The following IL17RB variants were observed in gnomAD, a reference collection of about 807,000 sequenced individuals.
IL17RB encodes interleukin 17 receptor B.
A neutral mutation model predicts 43.9 loss-of-function variants in IL17RB; 36 were observed. The observed-to-expected ratio is 0.82, with a 90% CI of 0.63 to 1.08. IL17RB has a LOEUF of 1.08. IL17RB is among the 50% of genes least tolerant of loss of function. The pLI, the probability that IL17RB is intolerant of heterozygous loss-of-function variation, is 0.00. For missense variants in IL17RB, 613 were observed against 613.6 expected (o/e 1.00, Z 0.01); for synonymous variants, 225 against 225.4 (o/e 1.00, Z 0.02).
At chr3:53,859,266 C>T (rs1272919550) in intron 9 of IL17RB, 1 of 153,898 alleles carries the variant, frequency 6.5e-6, no homozygotes, top group Non-Finnish European at 1.4e-5. Context: ...ATGGTACCGC[C>T]TCACTAGTGC....
chr3:53,865,405 A>G lies in IL17RB; in HGVS notation c.*97A>G, dbSNP rs941247791. 6 of 909,588 alleles carry G rather than the reference A, an allele frequency of 6.6e-6. No individual in the cohort carries two copies. Among genetic ancestry groups the G allele is most frequent in the Admixed American group, 2.9e-5 (1 of 34,948 alleles). The allele number at this position is 909,588 out of a possible 1,614,324, so 56.3% of individuals were successfully genotyped here. ...TCCTGAAGCTTACTATGCAGCCTACAAACAGCCTTAGTAATTAAAACATTT... is the reference window on the plus strand; with the variant it reads ...TCCTGAAGCTTACTATGCAGCCTACGAACAGCCTTAGTAATTAAAACATTT... On this transcript the variant is annotated 3_prime_UTR_variant, in exon 11 of 11. Coordinates refer to ENST00000288167, the MANE Select transcript of IL17RB (RefSeq NM_018725.4).
rs112485971 is a variant in IL17RB, at chr3:53,848,672, A to T, written c.69A>T (p.Gln23His). The T allele has an allele frequency of 7.1e-5, 115 of 1,614,176 alleles. No individual in the cohort carries two copies. The highest frequency in any genetic ancestry group is 5.0e-4 in the Admixed American group (30 of 60,034). The part of the protein sequence containing the change: ...RSAVPREPTV[Q>H]CGSETGPSPE... Reference sequence around the variant, plus strand: ...TTTTTTCTCTCCCACAGACCGTTCAATGTGGCTCTGAAACTGGTAGGTGCA... The same window carrying T: ...TTTTTTCTCTCCCACAGACCGTTCATTGTGGCTCTGAAACTGGTAGGTGCA... Residue 23 changes from glutamine to histidine, a missense_variant, in exon 2 of 11, where the codon CAA becomes CAT. Coordinates refer to ENST00000288167, the MANE Select transcript of IL17RB (RefSeq NM_018725.4).
At chr3:53,852,346 G>A (rs572529570) in intron 4 of IL17RB, among the ~76,000 whole-genome samples, 3 of 152,158 alleles carry the variant, frequency 2.0e-5, no homozygotes, top group Non-Finnish European at 2.9e-5. Flanking sequence ...TCACCGTGTT[G>A]CTGGTCTTGA....
At chr3:53,864,116 C>G (rs778459527) in intron 10 of IL17RB, among the ~76,000 whole-genome samples, 24 of 152,108 alleles carry the variant, frequency 1.6e-4, no homozygotes, top group Non-Finnish European at 2.2e-4. Context: ...AGCCACCACA[C>G]CTGGCCAACA....
At chr3:53,857,839 A>T (rs1284780773) in intron 8 of IL17RB, 149 bp downstream of exon 8, 1 of 715,898 alleles carries the variant, frequency 1.4e-6, no homozygotes. Context: ...CTTTCGCTGC[A>T]GCCTCCACCG....
intron 4 of IL17RB, 121 bp from the exon 5 acceptor site, chr3:53,852,750 G>T: frequency 1.2e-6 from 1 of 830,766 alleles, no homozygotes; most frequent in African/African-American, 1.7e-5. Context: ...GACATTGGTT[G>T]GAGACCTAAG....
rs368335090 is a variant in IL17RB at position 53,857,865 on chromosome 3, G to A, written c.747+175G>A. The A allele has an allele frequency of 2.6e-4, 161 of 618,846 alleles. No individual in the cohort carries two copies. In the East Asian group the frequency reaches 3.8e-3, roughly 15 times the overall value. 38.3% of individuals were successfully genotyped at this position (618,846 alleles called of 1,614,324 possible). A position where few individuals can be genotyped will look rare whatever the true frequency, so the allele number is the denominator to read the frequency against. ...GCCTCCACCGTGCTGAGGTCAGGAG[G>A]CCGACGTGGCAGTTGTGGTCCCTTT... is the stretch of plus-strand genomic sequence containing the variant. On this transcript the variant is annotated intron_variant, in intron 8 of 10. Coordinates refer to ENST00000288167, the MANE Select transcript of IL17RB (RefSeq NM_018725.4).
intron 3 of IL17RB, 118 bp from the exon 4 acceptor site, chr3:53,851,881 G>C: frequency 3.4e-6 from 4 of 1,181,446 alleles, no homozygotes; most frequent in Non-Finnish European, 4.8e-6. Context: ...CTACCTTTCA[G>C]TACTATTGTG....
chr3:53,864,076 G>A (rs1699678653), intron 10 of IL17RB, among the ~76,000 whole-genome samples: 1 of 152,076 alleles, frequency 6.6e-6, no homozygotes, highest in Non-Finnish European at 1.5e-5. Flanking sequence ...ACCAGCCTTG[G>A]CCTCCCAAAG....
chr3:53,851,484 T>C (rs550684832), intron 3 of IL17RB, among the ~76,000 whole-genome samples: 22 of 152,288 alleles, frequency 1.4e-4, no homozygotes, highest in African/African-American at 5.3e-4. Flanking sequence ...GGTTATGGGC[T>C]GTGGTGCATG....
rs766934380 is a variant in IL17RB, at chr3:53,853,003, C to G, written c.481+6C>G. The G allele has an allele frequency of 3.1e-6, 5 of 1,613,934 alleles. No individual in the cohort carries two copies. Among genetic ancestry groups the G allele is most frequent in the Non-Finnish European group, 4.2e-6 (5 of 1,179,854 alleles). Reference sequence around the variant, plus strand: ...TGTGAATTTCACCTCACCAGGTAAACTTCCTCATTTGTTTATTATTCTTTG... The same window carrying G: ...TGTGAATTTCACCTCACCAGGTAAAGTTCCTCATTTGTTTATTATTCTTTG... On this transcript the variant is annotated splice_donor_region_variant and intron_variant, in intron 5 of 10. Coordinates refer to ENST00000288167, the MANE Select transcript of IL17RB (RefSeq NM_018725.4).
intron 8 of IL17RB, 21 bp downstream of exon 8, chr3:53,857,711 C>A (rs764287963): frequency 1.2e-6 from 2 of 1,600,438 alleles, no homozygotes; most frequent in South Asian, 2.2e-5. Context: ...GTGAGCTGCT[C>A]TGGGGAGGGA....
rs1240972510 is a variant in IL17RB, at chr3:53,851,975, A to G, written c.227-24A>G. 5.0e-6 allele frequency: 8 copies of G among 1,613,568 alleles called. No individual in the cohort carries two copies. The East Asian group carries it at 1.3e-4, about 27-fold the overall frequency. ...CACACAGCAAGTGCTAAATAAACCA[A>G]TGTCCTCTTGCCTATCTCGGCAGCC... On this transcript the variant is annotated intron_variant, in intron 3 of 10. Transcript: ENST00000288167.
At chr3:53,862,439 A>G (rs1045411619) in intron 10 of IL17RB, among the ~76,000 whole-genome samples, 12 of 152,244 alleles carry the variant, frequency 7.9e-5, no homozygotes, top group Admixed American at 5.9e-4. Context: ...GCCTGAAACA[A>G]TAAATTCCTG....
At chr3:53,857,735 A>T in intron 8 of IL17RB, 45 bp downstream of exon 8, 1 of 1,494,216 alleles carries the variant, frequency 6.7e-7, no homozygotes, top group Non-Finnish European at 9.3e-7. Flanking sequence ...GACATAGAAG[A>T]CTGTTCCATC....
chr3:53,855,683 C>T (rs137987997), intron 6 of IL17RB, among the ~76,000 whole-genome samples: 2 of 152,188 alleles, frequency 1.3e-5, no homozygotes, highest in African/African-American at 2.4e-5. Flanking sequence ...GGGAGTCCTA[C>T]GAGCCCTTCC....
At chr3:53,855,396 A>G in intron 6 of IL17RB, 55 bp downstream of exon 6, 1 of 1,218,742 alleles carries the variant, frequency 8.2e-7, no homozygotes, top group East Asian at 2.3e-5. Context: ...AACTTGAGGC[A>G]GCATAGCTCT....
At chr3:53,856,764 GT>G (rs1699347692) in intron 6 of IL17RB, 79 bp from the exon 7 acceptor site, 1 of 1,438,376 alleles carries the variant, frequency 7.0e-7, no homozygotes, top group Admixed American at 1.8e-5. Context: ...ACTTGGGTTT[GT>G]TTCCATAAAG....
intron 1 of IL17RB, among the ~76,000 whole-genome samples, chr3:53,847,251 C>T (rs913876332): frequency 1.3e-5 from 2 of 152,138 alleles, no homozygotes; most frequent in African/African-American, 4.8e-5. Flanking sequence ...TCCGTAGTCA[C>T]CTGCTGGTGG....
Sources: gnomAD v4.1 joint callset for allele counts (sites outside exome capture counted in the v4.1 genomes callset) on GRCh38, gnomAD v4.1.1 for gene constraint, MANE v1.5 for transcripts, NCBI Gene and HGNC (gene_info 2026-07-23, HGNC 2026-07-21) for gene names.